ALK: variants seen among roughly 807,000 people sequenced by gnomAD.
ALK encodes the protein ALK receptor tyrosine kinase.
Under a neutral mutation model 163.1 loss-of-function variants are expected in ALK, and 74 were observed. The ratio of observed to expected loss-of-function variants is 0.45; its 90% CI spans 0.38 to 0.55. The LOEUF (loss-of-function observed/expected upper bound fraction) is 0.55, where lower values mean the gene tolerates loss of function less well. Among genes scored for constraint, ALK ranks in the 20% least tolerant of loss-of-function variants. The pLI is 0.00. For missense variants in ALK, 2,063 were observed against 2,105.3 expected, an observed-to-expected ratio of 0.98 and a Z score of 0.39; for synonymous variants, 960 against 843.2, an observed-to-expected ratio of 1.14 and a Z score of -2.40.
At chr2:29,657,751 G>A (rs1306318372) in intron 3 of ALK, among the ~76,000 whole-genome samples, 1 of 152,056 alleles carries the variant, frequency 6.6e-6, no homozygotes, top group Non-Finnish European at 1.5e-5. Flanking sequence ...TGGCTAAAGA[G>A]GAGACAATGA....
intron 1 of ALK, among the ~76,000 whole-genome samples, chr2:29,837,183 G>C (rs1426815217): frequency 1.3e-5 from 2 of 152,156 alleles, no homozygotes; most frequent in Non-Finnish European, 2.9e-5. Context: ...TTTCTGTAGG[G>C]AAACAGATAA....
At chr2:29,681,568 G>A (rs1558439840) in intron 3 of ALK, among the ~76,000 whole-genome samples, 1 of 152,136 alleles carries the variant, frequency 6.6e-6, no homozygotes. Context: ...TGTCTGCTCT[G>A]CATATACACA....
chr2:29,865,934 G>C (rs901075113), intron 1 of ALK, among the ~76,000 whole-genome samples: 2 of 152,116 alleles, frequency 1.3e-5, no homozygotes, highest in Admixed American at 1.3e-4. Flanking sequence ...AGACACCAAG[G>C]GTCGCTGGGA....
intron 3 of ALK, among the ~76,000 whole-genome samples, chr2:29,580,363 C>A (rs1020203841): frequency 3.3e-5 from 5 of 152,206 alleles, no homozygotes; most frequent in Admixed American, 3.3e-4. Context: ...GATGCACTCG[C>A]TTCGGTGTCC....
chr2:29,540,033 T>C (rs779142130), intron 3 of ALK, among the ~76,000 whole-genome samples: 1 of 152,162 alleles, frequency 6.6e-6, no homozygotes, highest in African/African-American at 2.4e-5. Context: ...GTGGATATAG[T>C]AGTTAATAGT....
intron 1 of ALK, among the ~76,000 whole-genome samples, chr2:29,841,616 T>TG (rs1414841075): frequency 6.6e-6 from 1 of 152,210 alleles, no homozygotes; most frequent in Non-Finnish European, 1.5e-5. Flanking sequence ...CAGCCTCTGC[T>TG]GGGGGCTGCG....
chr2:29,427,915 T>C (rs111801866), intron 4 of ALK, among the ~76,000 whole-genome samples: 216 of 152,122 alleles, frequency 1.4e-3, no homozygotes, highest in African/African-American at 4.9e-3. Flanking sequence ...AGAATTAAAA[T>C]CATACAAATT....
At position 29,342,158 on chromosome 2, in the gene ALK, A is replaced by G. The variant is rs140659691; in HGVS notation, c.1283-13677T>C. Among the ~76,000 whole-genome samples, 182 of 152,290 alleles carry G rather than the reference A, an allele frequency of 1.2e-3. 2 individuals are homozygous for G. The East Asian group carries it at 0.034, about 29-fold the overall frequency. On this transcript the variant is annotated intron_variant, in intron 5 of 28. Transcript: ENST00000389048. ...AAAAAAATAGAAATAGAAAATAATG[A>G]GTGTTGGCAAAGATATAGAGAAATT...
intron 1 of ALK, among the ~76,000 whole-genome samples, chr2:29,801,618 A>C (rs1572390176): frequency 6.6e-6 from 1 of 152,178 alleles, no homozygotes; most frequent in Non-Finnish European, 1.5e-5. Flanking sequence ...TCTGTTTTTC[A>C]CTTAACTTTT....
At chr2:29,393,444 G>C (rs551913231) in intron 4 of ALK, among the ~76,000 whole-genome samples, 4 of 152,252 alleles carry the variant, frequency 2.6e-5, no homozygotes, top group African/African-American at 9.6e-5. Flanking sequence ...TCATTCCATA[G>C]GGGTCCTGCT....
chr2:29,374,995 G>A (rs1444784461), intron 5 of ALK, among the ~76,000 whole-genome samples: 3 of 152,170 alleles, frequency 2.0e-5, no homozygotes, highest in Non-Finnish European at 4.4e-5. Flanking sequence ...GCTCCAGGTG[G>A]TGGCACCTCC....
At chr2:29,737,940 G>A (rs182362055) in intron 1 of ALK, among the ~76,000 whole-genome samples, 6 of 152,070 alleles carry the variant, frequency 3.9e-5, no homozygotes, top group South Asian at 2.1e-4. Flanking sequence ...CAAGGTGAGC[G>A]GGAGAACAAC....
chr2:29,320,845 A>G lies in ALK; in HGVS notation c.1452T>C (p.Asp484=), dbSNP rs750873368. 3.1e-6 allele frequency: 5 copies of G among 1,614,100 alleles called. No individual in the cohort carries two copies. In the African/African-American group the frequency reaches 6.7e-5, roughly 22 times the overall value. The change falls in exon 7 of 29, where the codon GAT becomes GAC. Residue 484 remains aspartate (D), a synonymous_variant. Coordinates refer to ENST00000389048, the MANE Select transcript of ALK (RefSeq NM_004304.5). ...LPVGFYCNFE[D]GFCGWTQGTL... ...TGCCTTGGGTCCAGCCACAGAAGCC[A>G]TCTTCAAAGTTGCAGTAAAAACCCA...
At chr2:29,884,884 A>G (rs1666949527) in intron 1 of ALK, among the ~76,000 whole-genome samples, 1 of 152,220 alleles carries the variant, frequency 6.6e-6, no homozygotes, top group Non-Finnish European at 1.5e-5. Flanking sequence ...CCCTACTCAG[A>G]AAAGAAATGG....
intron 4 of ALK, among the ~76,000 whole-genome samples, chr2:29,491,812 G>A (rs1042968031): frequency 6.6e-5 from 10 of 152,136 alleles, no homozygotes; most frequent in South Asian, 2.1e-4. Context: ...ACCCAGGCTC[G>A]GAGAGAAGCA....
intron 3 of ALK, among the ~76,000 whole-genome samples, chr2:29,610,022 G>T (rs1437843006): frequency 6.6e-6 from 1 of 152,134 alleles, no homozygotes; most frequent in Non-Finnish European, 1.5e-5. Context: ...CCCTGGTTTT[G>T]TCCTTGACAC....
intron 1 of ALK, among the ~76,000 whole-genome samples, chr2:29,759,548 C>T (rs552491805): frequency 6.6e-6 from 1 of 152,310 alleles, no homozygotes; most frequent in Non-Finnish European, 1.5e-5. Flanking sequence ...CCTTGACATG[C>T]TTTCTGGGAA....
intron 3 of ALK, among the ~76,000 whole-genome samples, chr2:29,557,615 T>G (rs1016558593): frequency 7.9e-5 from 12 of 152,146 alleles, no homozygotes; most frequent in African/African-American, 2.9e-4. Context: ...GAAACACCCA[T>G]TGATAGGTCA....
chr2:29,282,560 T>A (rs1431831206), intron 9 of ALK, among the ~76,000 whole-genome samples: 2 of 152,146 alleles, frequency 1.3e-5, no homozygotes, highest in African/African-American at 4.8e-5. Context: ...AACATACCCC[T>A]CCTGGCTCCA....
Sources: allele counts gnomAD v4.1 joint callset (sites outside exome capture counted in the v4.1 genomes callset), GRCh38; gene constraint gnomAD v4.1.1; transcripts MANE v1.5; gene names NCBI Gene and HGNC (gene_info 2026-07-23, HGNC 2026-07-21).